CAST: variants seen among roughly 807,000 people sequenced by gnomAD.
CAST encodes calpastatin.
CAST carries 76 observed loss-of-function variants against 119.6 expected under a neutral mutation model. The ratio of observed to expected loss-of-function variants is 0.64; its 90% CI spans 0.53 to 0.77. CAST has a LOEUF of 0.77. Among genes scored for constraint, CAST ranks in the 30% least tolerant of loss-of-function variants. CAST has a pLI of 0.00. For missense variants in CAST, 953 were observed against 946.5 expected (o/e 1.01, Z -0.09); for synonymous variants, 319 against 331.6 (o/e 0.96, Z 0.41).
intron 1 of CAST, among the ~76,000 whole-genome samples, chr5:96,618,355 G>A (rs1409006278): frequency 6.6e-6 from 1 of 152,192 alleles, no homozygotes; most frequent in Non-Finnish European, 1.5e-5. Flanking sequence ...GTGACAACGT[G>A]CTAGCAGCCC....
chr5:96,093,665 A>T, the CAST span, among the ~76,000 whole-genome samples: 2 of 152,246 alleles, frequency 1.3e-5, no homozygotes, highest in Non-Finnish European at 2.9e-5. Flanking sequence ...TCACTTGGAC[A>T]GTGTTTGGCA....
At chr5:96,449,029 C>T in the CAST span, among the ~76,000 whole-genome samples, 1 of 152,154 alleles carries the variant, frequency 6.6e-6, no homozygotes, top group Admixed American at 6.5e-5. Context: ...TCCAGCTTCT[C>T]CAAGACAATC....
intron 3 of CAST, among the ~76,000 whole-genome samples, chr5:96,701,460 A>G (rs1031056385): frequency 1.3e-5 from 2 of 152,190 alleles, no homozygotes; most frequent in Non-Finnish European, 2.9e-5. Context: ...AGGAATGACA[A>G]TACTAATGAT....
the CAST span, among the ~76,000 whole-genome samples, chr5:95,979,726 C>T: frequency 6.6e-6 from 1 of 152,220 alleles, no homozygotes; most frequent in South Asian, 2.1e-4. Context: ...TGAACATATT[C>T]CCTATAACCT....
At chr5:96,176,754 C>G in the CAST span, among the ~76,000 whole-genome samples, 2 of 152,152 alleles carry the variant, frequency 1.3e-5, no homozygotes. Context: ...TTTCATAACC[C>G]TGTATCGCAT....
the CAST span, among the ~76,000 whole-genome samples, chr5:96,337,128 G>A: frequency 6.6e-6 from 1 of 152,106 alleles, no homozygotes; most frequent in East Asian, 1.9e-4. Context: ...AACCCTGAAA[G>A]CGAAACTGAG....
chr5:96,757,586 A>G lies in CAST; in HGVS notation c.1765A>G (p.Met589Val), dbSNP rs1384338802. Reference protein sequence around the residue: ...PKESKEQLPPMSEDFLLDALS... With the variant: ...PKESKEQLPPVSEDFLLDALS... ...ATACATTTCCTGGTTCTTGCAGCCC[A>G]TGAGTGAAGACTTCCTTCTGGATGC... The change falls in exon 24 of 32, where the codon ATG (methionine) becomes GTG (valine). Residue 589 changes from methionine (M) to valine (V), a missense_variant. Transcript: ENST00000675179. 6.2e-7 allele frequency: 1 copy of G among 1,613,742 alleles called. No homozygotes were observed. Among genetic ancestry groups the G allele is most frequent in the African/African-American group, 1.3e-5 (1 of 74,976 alleles).
At chr5:96,288,835 T>G in the CAST span, among the ~76,000 whole-genome samples, 1 of 151,946 alleles carries the variant, frequency 6.6e-6, no homozygotes, top group Non-Finnish European at 1.5e-5. Context: ...GGTTTCAAAG[T>G]TTTTCATCTA....
At chr5:96,212,343 T>C in the CAST span, among the ~76,000 whole-genome samples, 18 of 152,312 alleles carry the variant, frequency 1.2e-4, no homozygotes, top group African/African-American at 4.1e-4. Flanking sequence ...TTTTATTCAG[T>C]TCTTTTGGAA....
chr5:96,204,824 T>C, the CAST span, among the ~76,000 whole-genome samples: 7 of 152,036 alleles, frequency 4.6e-5, no homozygotes, highest in Admixed American at 2.0e-4. Context: ...GCTGTACCTA[T>C]AGAGGTTGGC....
the CAST span, chr5:96,422,016 A>AAG: frequency 1.2e-6 from 1 of 856,498 alleles, no homozygotes; most frequent in Non-Finnish European, 1.9e-6. Flanking sequence ...AAAAAAAAAA[A>AAG]AAAGCATCAC....
the CAST span, chr5:96,379,791 A>C: frequency 1.3e-5 from 2 of 152,194 alleles, no homozygotes; most frequent in Non-Finnish European, 2.9e-5. Context: ...ATTTCTCCTC[A>C]ATCAGCCCTT....
intron 1 of CAST, among the ~76,000 whole-genome samples, chr5:96,597,913 A>AG (rs1057272923): frequency 4.7e-5 from 7 of 148,966 alleles, no homozygotes; most frequent in Non-Finnish European, 8.9e-5. Flanking sequence ...AAGAAAAGAA[A>AG]GGGGGAGAGA....
At chr5:96,540,895 T>G (rs2150179775) in intron 1 of CAST, among the ~76,000 whole-genome samples, 1 of 152,324 alleles carries the variant, frequency 6.6e-6, no homozygotes, top group South Asian at 2.1e-4. Context: ...TAAAGTGCCC[T>G]TTTCATTGTA....
the CAST span, among the ~76,000 whole-genome samples, chr5:95,992,805 T>A: frequency 6.6e-6 from 1 of 152,136 alleles, no homozygotes; most frequent in African/African-American, 2.4e-5. Context: ...CTATACCACT[T>A]TCACAAATTT....
chr5:96,198,458 C>A, the CAST span, among the ~76,000 whole-genome samples: 1 of 152,066 alleles, frequency 6.6e-6, no homozygotes, highest in Admixed American at 6.6e-5. Flanking sequence ...AAGTGGGGAC[C>A]AGGAAAGCAG....
At chr5:95,972,021 T>A in the CAST span, among the ~76,000 whole-genome samples, 1 of 151,336 alleles carries the variant, frequency 6.6e-6, no homozygotes, top group South Asian at 2.1e-4. Flanking sequence ...GTGGAGTGGC[T>A]CAGTCATAGC....
chr5:96,079,317 C>T, the CAST span: 1 of 325,258 alleles, frequency 3.1e-6, no homozygotes, highest in Admixed American at 4.7e-5. Context: ...GCTATTTTCT[C>T]TTGTGAGTCA....
At chr5:96,490,751 A>C in the CAST span, among the ~76,000 whole-genome samples, 3 of 152,172 alleles carry the variant, frequency 2.0e-5, no homozygotes, top group Non-Finnish European at 4.4e-5. Flanking sequence ...AATCAACTCC[A>C]GATAAATTGT....
Sources: allele counts gnomAD v4.1 joint callset (sites outside exome capture counted in the v4.1 genomes callset), GRCh38; gene constraint gnomAD v4.1.1; transcripts MANE v1.5; gene names NCBI Gene and HGNC (gene_info 2026-07-23, HGNC 2026-07-21).